The following WRN variants were observed in gnomAD, a reference collection of about 807,000 sequenced individuals.
The protein encoded by WRN is WRN RecQ like helicase.
WRN carries 149 observed loss-of-function variants against 180.7 expected under a neutral mutation model. That is an observed-to-expected ratio of 0.82 (90% CI 0.72 to 0.94). WRN has a LOEUF of 0.94. Among genes scored for constraint, WRN ranks in the 40% least tolerant of loss-of-function variants. WRN has a pLI of 0.00. For synonymous variants in WRN, 548 were observed against 568.9 expected (o/e 0.96, Z 0.52); for missense variants, 1,661 against 1,700.1 (o/e 0.98, Z 0.40).
At chr8:31,042,175 G>T (rs1811685045) in intron 1 of WRN, among the ~76,000 whole-genome samples, 1 of 152,038 alleles carries the variant, frequency 6.6e-6, no homozygotes, top group African/African-American at 2.4e-5. Context: ...GATTATGGAA[G>T]GATTCAGTCG....
At position 31,087,860 on chromosome 8, in the gene WRN, A is replaced by AAAGAAG; in HGVS notation, c.1527_1532dup (p.Glu509_Glu510dup). 6.2e-7 allele frequency: 1 copy of AAAGAAG among 1,613,354 alleles called. No individual in the cohort carries two copies. The highest frequency in any genetic ancestry group is 8.5e-7 in the Non-Finnish European group (1 of 1,179,620). On this transcript the variant is annotated inframe_insertion, in exon 12 of 35. Transcript: ENST00000298139. Reference sequence around the variant, plus strand: ...GGAAAGAAATCTGGGTCTTCCTACTAAAGAAGAAGAAGAAGATGATGAAAA... The same window carrying AAAGAAG: ...GGAAAGAAATCTGGGTCTTCCTACTAAAGAAGAAGAAGAAGAAGAAGATGATGAAAA...
intron 13 of WRN, among the ~76,000 whole-genome samples, chr8:31,089,293 G>A (rs1371250335): frequency 6.6e-6 from 1 of 151,878 alleles, no homozygotes; most frequent in Non-Finnish European, 1.5e-5. Flanking sequence ...TGCCTGTTTT[G>A]TGTATATTAC....
intron 11 of WRN, 47 bp downstream of exon 11, chr8:31,085,293 A>G (rs1262546702): frequency 6.2e-7 from 1 of 1,602,700 alleles, no homozygotes; most frequent in Middle Eastern, 1.7e-4. Flanking sequence ...TTTCCAAAGG[A>G]CATTTAATTA....
At chr8:31,096,448 G>T (rs2130200368) in intron 16 of WRN, among the ~76,000 whole-genome samples, 1 of 152,204 alleles carries the variant, frequency 6.6e-6, no homozygotes. Flanking sequence ...AAGGATAAAG[G>T]AATGTCTCAT....
intron 9 of WRN, among the ~76,000 whole-genome samples, chr8:31,083,114 A>G (rs1290959832): frequency 1.3e-5 from 2 of 152,028 alleles, no homozygotes; most frequent in Non-Finnish European, 2.9e-5. Context: ...ATCTCGTTGG[A>G]CACTTGGTTC....
At chr8:31,115,282 A>G (rs976060940) in intron 19 of WRN, among the ~76,000 whole-genome samples, 5 of 152,194 alleles carry the variant, frequency 3.3e-5, no homozygotes, top group Non-Finnish European at 2.9e-5. Flanking sequence ...ATTGAAGCCC[A>G]TTTGGTTGCT....
At chr8:31,107,255 T>TC (rs113195241) in intron 18 of WRN, among the ~76,000 whole-genome samples, 121,308 of 151,594 alleles carry the variant, frequency 0.8, 48,642 homozygotes, top group East Asian at 0.89. Flanking sequence ...CGATTTCCAT[T>TC]AATTTAGAAT....
intron 5 of WRN, among the ~76,000 whole-genome samples, chr8:31,066,507 C>T (rs1374109031): frequency 6.6e-6 from 1 of 151,950 alleles, no homozygotes; most frequent in Non-Finnish European, 1.5e-5. Context: ...CCTCCCAGTT[C>T]TTGGTACTCT....
chr8:31,083,610 G>T (rs1813406257), intron 9 of WRN, 89 bp from the exon 10 acceptor site: 1 of 941,472 alleles, frequency 1.1e-6, no homozygotes, highest in South Asian at 1.4e-5. Flanking sequence ...GTTGTCTAAA[G>T]ATATCTAGTA....
At chr8:31,154,887 T>A in intron 32 of WRN, 132 bp downstream of exon 32, 1 of 1,199,462 alleles carries the variant, frequency 8.3e-7, no homozygotes. Context: ...AGTTTATCTT[T>A]AATTTTAAAA....
chr8:31,055,316 C>T (rs1025992819), intron 1 of WRN, among the ~76,000 whole-genome samples: 3 of 152,144 alleles, frequency 2.0e-5, no homozygotes, highest in East Asian at 1.9e-4. Context: ...TTTGAGGAAT[C>T]GCCACACTGT....
chr8:31,103,969 C>T (rs1157971700), intron 18 of WRN, among the ~76,000 whole-genome samples: 2 of 152,098 alleles, frequency 1.3e-5, no homozygotes, highest in Non-Finnish European at 2.9e-5. Context: ...CTCCTGACCT[C>T]GTGATCCACC....
At chr8:31,051,731 A>G (rs998594217) in intron 1 of WRN, among the ~76,000 whole-genome samples, 10 of 152,212 alleles carry the variant, frequency 6.6e-5, no homozygotes, top group Admixed American at 3.9e-4. Flanking sequence ...TCTTATTGAT[A>G]TTTTAGAATG....
Position 31,142,565 on chromosome 8 carries a change from A to G in WRN, c.3234-61A>G, listed in dbSNP as rs983482253. On this transcript the variant is annotated intron_variant, in intron 26 of 34. Coordinates refer to ENST00000298139, the MANE Select transcript of WRN (RefSeq NM_000553.6). ...ATCTTTCTGAGAATGGAGTATCATG[A>G]TTCATGAATTAGATACTTGCATCTT... The G allele has an allele frequency of 7.0e-6, 9 of 1,278,798 alleles. No homozygotes were observed. In the Admixed American group the frequency reaches 1.7e-4, roughly 25 times the overall value. The allele number at this position is 1,278,798 out of a possible 1,614,324, so 79.2% of individuals were successfully genotyped here. A position where few individuals can be genotyped will look rare whatever the true frequency, so the allele number is the denominator to read the frequency against.
intron 7 of WRN, 112 bp from the exon 8 acceptor site, chr8:31,076,061 C>A: frequency 1.1e-6 from 1 of 878,868 alleles, no homozygotes; most frequent in Non-Finnish European, 1.9e-6. Flanking sequence ...TGTTGGAATT[C>A]ATTTAAGGAA....
rs11574410 is a variant in WRN at position 31,173,019 on chromosome 8, C to T, written c.4216C>T (p.Arg1406Ter). 3,611 of 1,613,806 alleles carry T rather than the reference C, an allele frequency of 2.2e-3. 33 individuals are homozygous for T. Among genetic ancestry groups the T allele is most frequent in the South Asian group, 0.016 (1,442 of 91,076 alleles). ...GACTTCATCTGCAGAGAGAAAGAGA[C>T]GATTACCTGTGTGGTTTGCCAAAGG... ...TETSSAERKR[R>*]LPVWFAKGSD... Residue 1406 changes from arginine (R) to a stop codon, truncating the protein, a stop_gained, in exon 35 of 35, where the codon CGA (arginine) becomes TGA (stop). Transcript: ENST00000298139. LOFTEE classifies it high-confidence loss of function.
chr8:31,060,780 A>G (rs1306068856), intron 3 of WRN, among the ~76,000 whole-genome samples: 1 of 152,222 alleles, frequency 6.6e-6, no homozygotes, highest in Non-Finnish European at 1.5e-5. Flanking sequence ...GTCATATCTG[A>G]AGGCAATTAG....
At chr8:31,131,846 G>C (rs1802189173) in intron 23 of WRN, 1 of 159,160 alleles carries the variant, frequency 6.3e-6, no homozygotes. Flanking sequence ...CTCAGCTGCT[G>C]CTTCACAAAA....
At chr8:31,162,643 G>A (rs4398867) in intron 33 of WRN, among the ~76,000 whole-genome samples, 14,718 of 152,262 alleles carry the variant, frequency 0.097, 775 homozygotes, top group African/African-American at 0.11. Flanking sequence ...AGCAAGGTGA[G>A]TTTGTTTACA....
Sources: allele counts gnomAD v4.1 joint callset (sites outside exome capture counted in the v4.1 genomes callset), GRCh38; gene constraint gnomAD v4.1.1; transcripts MANE v1.5; gene names NCBI Gene and HGNC (gene_info 2026-07-23, HGNC 2026-07-21).